The following FSTL4 variants were observed in gnomAD, a reference collection of about 807,000 sequenced individuals.
FSTL4 encodes follistatin like 4.
Under a neutral mutation model 78.2 loss-of-function variants are expected in FSTL4, and 28 were observed. The ratio of observed to expected loss-of-function variants is 0.36; its 90% CI spans 0.27 to 0.49. The LOEUF (loss-of-function observed/expected upper bound fraction) is 0.49, where lower values mean the gene tolerates loss of function less well. Ranked by LOEUF, FSTL4 falls within the 20% of genes least tolerant of loss-of-function variation. The pLI, the probability that FSTL4 is intolerant of heterozygous loss-of-function variation, is 0.98. For missense variants in FSTL4, 922 were observed against 1,084.9 expected (o/e 0.85, Z 2.11); for synonymous variants, 422 against 440.5 (o/e 0.96, Z 0.53).
chr5:133,610,989 C>G lies in FSTL4; in HGVS notation c.-11+1336G>C, dbSNP rs115517831. Among the ~76,000 whole-genome samples the G allele has an allele frequency of 6.7e-3, 1,017 of 152,168 alleles. 9 individuals carry two copies. The highest frequency in any genetic ancestry group is 0.023 in the African/African-American group (968 of 41,500). On this transcript the variant is annotated intron_variant, in intron 1 of 15. Transcript: ENST00000265342. Reference sequence around the variant, plus strand: ...GACGGATGTTTGTATCTCGGGGGCCCCATCTAGTACAATTCCTGGTGCACA... The same window carrying G: ...GACGGATGTTTGTATCTCGGGGGCCGCATCTAGTACAATTCCTGGTGCACA...
chr5:133,624,683 T>C, the FSTL4 span, among the ~76,000 whole-genome samples: 1 of 152,108 alleles, frequency 6.6e-6, no homozygotes, highest in African/African-American at 2.4e-5. Context: ...TCTGTGTCTC[T>C]AACAATATCA....
chr5:133,707,792 C>T, the FSTL4 span, among the ~76,000 whole-genome samples: 5 of 151,948 alleles, frequency 3.3e-5, no homozygotes, highest in Admixed American at 6.5e-5. Context: ...GAGGCTGCAG[C>T]CATCCAGTTG....
chr5:133,415,046 C>T (rs896086227), intron 3 of FSTL4, among the ~76,000 whole-genome samples: 11 of 152,200 alleles, frequency 7.2e-5, no homozygotes, highest in South Asian at 2.1e-4. Flanking sequence ...TTTCTTTCTT[C>T]GATATGTAGA....
At chr5:133,480,953 C>T (rs1417932911) in intron 3 of FSTL4, among the ~76,000 whole-genome samples, 10 of 152,314 alleles carry the variant, frequency 6.6e-5, no homozygotes, top group East Asian at 1.9e-4. Flanking sequence ...ATCACATTTA[C>T]GGCCCCGTGT....
In FSTL4 at chr5:133,288,868, A is replaced by G. The variant is rs1418720904; in HGVS notation, c.727+23786T>C. On this transcript the variant is annotated intron_variant, in intron 6 of 15. Transcript: ENST00000265342. ...GGGTCGCATGTCCACCTTGAGAATT[A>G]TTCCTCGGTTACAGGAAAACTGTCT... is the stretch of plus-strand genomic sequence containing the variant. Among the ~76,000 whole-genome samples the G allele has an allele frequency of 2.1e-5, 3 of 144,646 alleles. No homozygotes were observed. The East Asian group carries it at 5.8e-4, about 28-fold the overall frequency. 94.9% of individuals were successfully genotyped at this position (144,646 alleles called of 152,430 possible). A position where few individuals can be genotyped will look rare whatever the true frequency, so the allele number is the denominator to read the frequency against.
chr5:133,620,408 A>G, the FSTL4 span, among the ~76,000 whole-genome samples: 10 of 152,202 alleles, frequency 6.6e-5, no homozygotes, highest in Non-Finnish European at 1.5e-4. Flanking sequence ...CTGTTTTTGA[A>G]GTATGAAAGA....
intron 4 of FSTL4, among the ~76,000 whole-genome samples, chr5:133,340,989 A>C (rs1197556449): frequency 6.6e-6 from 1 of 151,974 alleles, no homozygotes; most frequent in African/African-American, 2.4e-5. Flanking sequence ...GCTAGGCTTC[A>C]AAACCACCCC....
At chr5:133,814,246 G>A in the FSTL4 span, among the ~76,000 whole-genome samples, 1 of 152,212 alleles carries the variant, frequency 6.6e-6, no homozygotes, top group Admixed American at 6.5e-5. Context: ...GTTCTGGGGA[G>A]GAGAAAGGGA....
intron 3 of FSTL4, among the ~76,000 whole-genome samples, chr5:133,519,758 A>T (rs1758937324): frequency 6.6e-6 from 1 of 152,230 alleles, no homozygotes; most frequent in Non-Finnish European, 1.5e-5. Context: ...AATCAGGAAC[A>T]AGAAATCAAA....
At chr5:133,359,557 C>T (rs1561685617) in intron 4 of FSTL4, among the ~76,000 whole-genome samples, 1 of 152,204 alleles carries the variant, frequency 6.6e-6, no homozygotes, top group African/African-American at 2.4e-5. Context: ...AGGAAAGCAC[C>T]GGGAGGAAAG....
intron 7 of FSTL4, 146 bp from the exon 8 acceptor site, chr5:133,233,683 G>A (rs977194839): frequency 8.5e-6 from 8 of 946,178 alleles, no homozygotes; most frequent in Admixed American, 4.7e-5. Flanking sequence ...TGTCTGCAGG[G>A]GTGAGCCGTC....
the FSTL4 span, among the ~76,000 whole-genome samples, chr5:133,762,575 G>C: frequency 6.6e-6 from 1 of 152,142 alleles, no homozygotes; most frequent in African/African-American, 2.4e-5. Flanking sequence ...ATGATAAAGG[G>C]ATTTATAGAC....
intron 3 of FSTL4, among the ~76,000 whole-genome samples, chr5:133,565,966 A>T (rs1760018220): frequency 6.6e-6 from 1 of 152,174 alleles, no homozygotes; most frequent in African/African-American, 2.4e-5. Context: ...CATTGTGAAC[A>T]CTACTTTCCA....
intron 4 of FSTL4, among the ~76,000 whole-genome samples, chr5:133,356,975 C>T (rs1268768217): frequency 6.6e-6 from 1 of 152,200 alleles, no homozygotes; most frequent in East Asian, 1.9e-4. Context: ...GTTTTACAGT[C>T]CAGGGCCAGA....
the FSTL4 span, among the ~76,000 whole-genome samples, chr5:133,640,906 T>C: frequency 6.6e-6 from 1 of 152,352 alleles, no homozygotes; most frequent in Middle Eastern, 3.4e-3. Context: ...CTAGGCTTCA[T>C]GTTTCATAAT....
chr5:133,430,037 A>T (rs1368327140), intron 3 of FSTL4, among the ~76,000 whole-genome samples: 2 of 152,242 alleles, frequency 1.3e-5, no homozygotes, highest in African/African-American at 4.8e-5. Context: ...TACTTGAGAA[A>T]GATTGGACAG....
At chr5:133,412,333 A>G (rs1756492871) in intron 3 of FSTL4, among the ~76,000 whole-genome samples, 1 of 152,156 alleles carries the variant, frequency 6.6e-6, no homozygotes. Flanking sequence ...TGGCAATAAA[A>G]TAGAAAACAG....
chr5:133,562,297 T>A (rs1759931209), intron 3 of FSTL4, among the ~76,000 whole-genome samples: 1 of 152,146 alleles, frequency 6.6e-6, no homozygotes, highest in Non-Finnish European at 1.5e-5. Context: ...AACTGAGAGA[T>A]CCAGAAAACA....
chr5:133,626,606 T>C, the FSTL4 span, among the ~76,000 whole-genome samples: 2 of 151,944 alleles, frequency 1.3e-5, no homozygotes, highest in East Asian at 1.9e-4. Flanking sequence ...TTCAGTTTAA[T>C]ATATTTTTTT....
Sources: allele counts gnomAD v4.1 joint callset (sites outside exome capture counted in the v4.1 genomes callset), GRCh38; gene constraint gnomAD v4.1.1; transcripts MANE v1.5; gene names NCBI Gene and HGNC (gene_info 2026-07-23, HGNC 2026-07-21).